The following MIPEP variants were observed in gnomAD, a reference collection of about 807,000 sequenced individuals.
MIPEP encodes mitochondrial intermediate peptidase.
MIPEP carries 79 observed loss-of-function variants against 90.3 expected under a neutral mutation model. The ratio of observed to expected loss-of-function variants is 0.87; its 90% CI spans 0.73 to 1.05. MIPEP has a LOEUF of 1.05. MIPEP is among the 50% of genes least tolerant of loss of function. The pLI, the probability that MIPEP is intolerant of heterozygous loss-of-function variation, is 0.00. For synonymous variants in MIPEP, 334 were observed against 315.8 expected, an observed-to-expected ratio of 1.06 and a Z score of -0.61; for missense variants, 940 against 905.6, an observed-to-expected ratio of 1.04 and a Z score of -0.49.
At chr13:23,885,352 G>A (rs552494575) in intron 2 of MIPEP, among the ~76,000 whole-genome samples, 77 of 152,274 alleles carry the variant, frequency 5.1e-4, no homozygotes, top group African/African-American at 1.9e-3. Flanking sequence ...CAAAAAAACA[G>A]GAAGATTGAG....
intron 18 of MIPEP, among the ~76,000 whole-genome samples, chr13:23,736,749 A>C (rs1427940962): frequency 6.6e-6 from 1 of 152,036 alleles, no homozygotes; most frequent in African/African-American, 2.4e-5. Context: ...AACACCAGCC[A>C]CTCCACTCCC....
chr13:23,832,802 T>C (rs1180111670), intron 14 of MIPEP, among the ~76,000 whole-genome samples: 2 of 152,188 alleles, frequency 1.3e-5, no homozygotes, highest in East Asian at 3.9e-4. Context: ...TCTATACCTG[T>C]GGTATTGATT....
chr13:23,877,302 C>T (rs767452349), intron 4 of MIPEP, among the ~76,000 whole-genome samples: 49 of 152,302 alleles, frequency 3.2e-4, no homozygotes, highest in Admixed American at 9.8e-4. Context: ...ATTTCGGTCG[C>T]TTGCATGCTT....
At chr13:23,811,887 G>A (rs1488452077) in intron 14 of MIPEP, among the ~76,000 whole-genome samples, 1 of 151,882 alleles carries the variant, frequency 6.6e-6, no homozygotes, top group Non-Finnish European at 1.5e-5. Flanking sequence ...TAGCCTCCAA[G>A]TTCTCAGGGA....
intron 17 of MIPEP, chr13:23,756,831 G>T: frequency 1.8e-6 from 1 of 561,982 alleles, no homozygotes; most frequent in Non-Finnish European, 3.1e-6. Flanking sequence ...TTCCCTGTAA[G>T]AGGATAACTA....
chr13:23,832,226 T>C (rs1364397690), intron 14 of MIPEP, among the ~76,000 whole-genome samples: 5 of 152,164 alleles, frequency 3.3e-5, no homozygotes. Flanking sequence ...TGAGCTAGCA[T>C]GTGAGCACAC....
At chr13:23,849,509 C>A (rs765642917) in intron 10 of MIPEP, among the ~76,000 whole-genome samples, 1 of 152,186 alleles carries the variant, frequency 6.6e-6, no homozygotes, top group Non-Finnish European at 1.5e-5. Context: ...ATTGTGTTAT[C>A]CACTACAGGT....
chr13:23,822,349 A>AT (rs1953315958), intron 14 of MIPEP, among the ~76,000 whole-genome samples: 1 of 152,226 alleles, frequency 6.6e-6, no homozygotes, highest in African/African-American at 2.4e-5. Context: ...CAGCCTGTCT[A>AT]ATATGCTAAA....
chr13:23,765,219 C>G (rs1952581317), intron 16 of MIPEP, among the ~76,000 whole-genome samples: 1 of 152,062 alleles, frequency 6.6e-6, no homozygotes, highest in Non-Finnish European at 1.5e-5. Flanking sequence ...AACCAATTCC[C>G]CACAGATGCT....
chr13:23,738,861 G>A (rs1265368799), intron 18 of MIPEP, among the ~76,000 whole-genome samples: 1 of 152,142 alleles, frequency 6.6e-6, no homozygotes, highest in Non-Finnish European at 1.5e-5. Flanking sequence ...CCCCATCCGA[G>A]CCCTGCTGAA....
intron 16 of MIPEP, among the ~76,000 whole-genome samples, chr13:23,774,783 T>C (rs982080074): frequency 2.4e-4 from 22 of 92,124 alleles, no homozygotes; most frequent in Non-Finnish European, 3.7e-4. Flanking sequence ...GTTTATCAGT[T>C]CTTTTTTTTT....
intron 14 of MIPEP, among the ~76,000 whole-genome samples, chr13:23,828,392 A>G (rs994195806): frequency 6.6e-6 from 1 of 152,230 alleles, no homozygotes; most frequent in Non-Finnish European, 1.5e-5. Flanking sequence ...AGCTGTCATT[A>G]TTTTTAGCAG....
At chr13:23,834,831 A>G (rs1325391249) in intron 14 of MIPEP, among the ~76,000 whole-genome samples, 1 of 152,026 alleles carries the variant, frequency 6.6e-6, no homozygotes, top group East Asian at 1.9e-4. Flanking sequence ...ACACAGCCAT[A>G]GATGGATTAT....
chr13:23,811,311 G>A (rs1953168499), intron 14 of MIPEP, among the ~76,000 whole-genome samples: 1 of 152,194 alleles, frequency 6.6e-6, no homozygotes, highest in South Asian at 2.1e-4. Flanking sequence ...AGAATTGTAA[G>A]TAATAAGAAG....
chr13:23,738,074 G>T (rs145115877), intron 18 of MIPEP, among the ~76,000 whole-genome samples: 91 of 152,250 alleles, frequency 6.0e-4, no homozygotes, highest in African/African-American at 2.0e-3. Context: ...TTGAATATTT[G>T]TAAGAGTTTT....
At chr13:23,848,676 G>A (rs1400818504) in intron 10 of MIPEP, among the ~76,000 whole-genome samples, 1 of 152,126 alleles carries the variant, frequency 6.6e-6, no homozygotes, top group Non-Finnish European at 1.5e-5. Flanking sequence ...TAGAAGAGGG[G>A]GAGGGCACTC....
At chr13:23,763,216 T>C (rs2138520392) in intron 16 of MIPEP, among the ~76,000 whole-genome samples, 1 of 152,340 alleles carries the variant, frequency 6.6e-6, no homozygotes, top group South Asian at 2.1e-4. Flanking sequence ...CCTAATCTAC[T>C]AAATGATGAG....
At chr13:23,818,207 A>G (rs913189335) in intron 14 of MIPEP, among the ~76,000 whole-genome samples, 5 of 152,090 alleles carry the variant, frequency 3.3e-5, no homozygotes, top group Non-Finnish European at 7.4e-5. Flanking sequence ...ACTTGAGGTC[A>G]AGGGTTCGAG....
chr13:23,780,719 G>A (rs571616809), intron 16 of MIPEP, among the ~76,000 whole-genome samples: 9 of 152,264 alleles, frequency 5.9e-5, no homozygotes, highest in South Asian at 2.1e-4. Flanking sequence ...AAGATTAGAC[G>A]AATGGCTAAC....
Sources: allele counts gnomAD v4.1 joint callset (sites outside exome capture counted in the v4.1 genomes callset), GRCh38; gene constraint gnomAD v4.1.1; transcripts MANE v1.5; gene names NCBI Gene and HGNC (gene_info 2026-07-23, HGNC 2026-07-21).